AVEN: variants seen among roughly 807,000 people sequenced by gnomAD.
The protein encoded by AVEN is apoptosis and caspase activation inhibitor.
Under a neutral mutation model 38.1 loss-of-function variants are expected in AVEN, and 41 were observed. The observed-to-expected ratio is 1.08, with a 90% CI of 0.84 to 1.40. The LOEUF is 1.40. Ranked by LOEUF, AVEN falls within the 40% of genes most tolerant of loss-of-function variation. The pLI, the probability that AVEN is intolerant of heterozygous loss-of-function variation, is 0.00. For synonymous variants in AVEN, 206 were observed against 171.8 expected (o/e 1.20, Z -1.56); for missense variants, 605 against 438.8 (o/e 1.38, Z -3.38).
chr15:33,995,336 T>A (rs771785395), intron 2 of AVEN, among the ~76,000 whole-genome samples: 1 of 152,120 alleles, frequency 6.6e-6, no homozygotes, highest in Non-Finnish European at 1.5e-5. Flanking sequence ...TAAAAAATAA[T>A]ACAGTATAAC....
chr15:34,049,303 T>C (rs184991659), intron 5 of AVEN, among the ~76,000 whole-genome samples: 22 of 152,128 alleles, frequency 1.4e-4, no homozygotes, highest in African/African-American at 5.3e-4. Context: ...GAGCTATGAA[T>C]CATGAGAAAA....
At chr15:34,054,853 GA>G (rs145388735) in intron 5 of AVEN, among the ~76,000 whole-genome samples, 5,217 of 151,948 alleles carry the variant, frequency 0.034, 127 homozygotes, top group South Asian at 0.051. Context: ...TAAATGTTGG[GA>G]AAAAAAGGAA....
At chr15:33,962,950 A>G (rs1895253384) in intron 2 of AVEN, among the ~76,000 whole-genome samples, 1 of 146,270 alleles carries the variant, frequency 6.8e-6, no homozygotes, top group East Asian at 2.0e-4. Context: ...AAAAAAAAAA[A>G]AAAAAAATTC....
intron 1 of AVEN, among the ~76,000 whole-genome samples, chr15:34,074,064 T>A (rs1401599851): frequency 7.2e-6 from 1 of 139,554 alleles, no homozygotes; most frequent in African/African-American, 2.8e-5. Flanking sequence ...GTGTCACAAT[T>A]TCGGCTCACT....
intron 2 of AVEN, among the ~76,000 whole-genome samples, chr15:33,929,813 T>G (rs957055839): frequency 3.3e-5 from 5 of 152,152 alleles, no homozygotes; most frequent in Non-Finnish European, 2.9e-5. Flanking sequence ...AAATACACAT[T>G]GAAGCAGATC....
chr15:34,062,841 C>T (rs770776737), intron 5 of AVEN: 1 of 1,614,226 alleles, frequency 6.2e-7, no homozygotes, highest in African/African-American at 1.3e-5. Flanking sequence ...TGTGGTAAGC[C>T]TGATCACCAT....
At position 34,026,787 on chromosome 15, in the gene AVEN, C is replaced by T. The variant is rs181152554; in HGVS notation, c.267+11993G>A. Among the ~76,000 whole-genome samples the T allele has an allele frequency of 5.2e-3, 789 of 152,192 alleles. 4 individuals are homozygous for T. The highest frequency in any genetic ancestry group is 7.6e-3 in the Non-Finnish European group (514 of 68,022). On this transcript the variant is annotated intron_variant, in intron 1 of 5. Coordinates refer to ENST00000306730, the MANE Select transcript of AVEN (RefSeq NM_020371.3). ...ATTGACAGTTTCAGAAAAAGTAAGT[C>T]GCTCACATTAAATATTAAAAACTTC...
chr15:33,970,506 AT>A (rs1026214719), intron 2 of AVEN, among the ~76,000 whole-genome samples: 1 of 151,952 alleles, frequency 6.6e-6, no homozygotes, highest in African/African-American at 2.4e-5. Flanking sequence ...TAAGGGTGGT[AT>A]TGTTGTTGTT....
At chr15:34,014,459 T>TA (rs1310784642) in intron 1 of AVEN, among the ~76,000 whole-genome samples, 1 of 135,258 alleles carries the variant, frequency 7.4e-6, no homozygotes, top group African/African-American at 2.9e-5. Flanking sequence ...GGTCCCCTGA[T>TA]AAAAAATACA....
chr15:34,022,450 G>A (rs535780553), intron 1 of AVEN, among the ~76,000 whole-genome samples: 2 of 152,268 alleles, frequency 1.3e-5, no homozygotes, highest in East Asian at 3.9e-4. Context: ...CTACAGAAGG[G>A]AGAAAGCTTT....
In AVEN at chr15:34,039,039, G is replaced by A; in HGVS notation, c.8C>T (p.Ala3Val). The change falls in exon 1 of 6, where the codon GCG (alanine) becomes GTG (valine). Residue 3 changes from alanine (A) to valine (V), a missense_variant. Coordinates refer to ENST00000306730, the MANE Select transcript of AVEN (RefSeq NM_020371.3). Reference sequence around the variant, plus strand: ...ACGGCCTCCCCGAGCTCCTCGCTCCGCCTGCATCTGGCCGCCGCTGGCGGT... The same window carrying A: ...ACGGCCTCCCCGAGCTCCTCGCTCCACCTGCATCTGGCCGCCGCTGGCGGT... Reference protein sequence around the residue: MQAERGARGGRGR... With the variant: MQVERGARGGRGR... 3 of 1,110,542 alleles carry A rather than the reference G, an allele frequency of 2.7e-6. No homozygotes were observed. The highest frequency in any genetic ancestry group is 3.3e-6 in the Non-Finnish European group (3 of 912,940). The allele number at this position is 1,110,542 out of a possible 1,614,324, so 68.8% of individuals were successfully genotyped here.
chr15:34,035,941 G>A (rs1379327208), intron 1 of AVEN, among the ~76,000 whole-genome samples: 1 of 152,050 alleles, frequency 6.6e-6, no homozygotes, highest in African/African-American at 2.4e-5. Flanking sequence ...GACTACAGAT[G>A]CACCCCGCCA....
intron 2 of AVEN, chr15:33,990,755 T>TA (rs1361945620): frequency 6.6e-6 from 1 of 152,226 alleles, no homozygotes; most frequent in Non-Finnish European, 1.5e-5. Flanking sequence ...TCAAATCAAG[T>TA]ATCATTTTGA....
At chr15:33,995,857 C>T (rs947336020) in intron 2 of AVEN, among the ~76,000 whole-genome samples, 17 of 152,278 alleles carry the variant, frequency 1.1e-4, no homozygotes, top group African/African-American at 3.6e-4. Flanking sequence ...CCACGGAGGG[C>T]GAGCTGAAGC....
upstream of AVEN, among the ~76,000 whole-genome samples, chr15:34,043,794 T>C (rs561951266): frequency 6.6e-6 from 1 of 152,376 alleles, no homozygotes; most frequent in South Asian, 2.1e-4. Flanking sequence ...CTTTGCTTTC[T>C]ATTTCATGAA....
chr15:33,882,662 T>C lies in AVEN; in HGVS notation c.446-6667A>G, dbSNP rs895977207. Among the ~76,000 whole-genome samples, 20 of 151,934 alleles carry C rather than the reference T, an allele frequency of 1.3e-4. 1 individual carries two copies. Among genetic ancestry groups the C allele is most frequent in the Admixed American group, 5.2e-4 (8 of 15,256 alleles). ...TGGAAGGATCAATTGAGGCCAGGAA[T>C]TCAAGACAAGCCTGGGTAACAAAAT... On this transcript the variant is annotated intron_variant, in intron 2 of 5. Coordinates refer to ENST00000306730, the MANE Select transcript of AVEN (RefSeq NM_020371.3).
chr15:34,064,066 C>G (rs367796610), intron 4 of AVEN: 2 of 1,614,172 alleles, frequency 1.2e-6, no homozygotes, highest in South Asian at 1.1e-5. Flanking sequence ...ATTCTCCTGG[C>G]CTTCATCATC....
intron 2 of AVEN, among the ~76,000 whole-genome samples, chr15:33,987,438 C>CA (rs1179616046): frequency 6.6e-6 from 1 of 152,190 alleles, no homozygotes; most frequent in Non-Finnish European, 1.5e-5. Flanking sequence ...CTTGCCTCCA[C>CA]AGTGTTAGGA....
At chr15:33,975,311 T>A (rs935140355) in intron 2 of AVEN, among the ~76,000 whole-genome samples, 6 of 152,188 alleles carry the variant, frequency 3.9e-5, no homozygotes, top group African/African-American at 1.4e-4. Flanking sequence ...AACCTAAAAC[T>A]CCTGGTATAT....
Sources: allele counts gnomAD v4.1 joint callset (sites outside exome capture counted in the v4.1 genomes callset), GRCh38; gene constraint gnomAD v4.1.1; transcripts MANE v1.5; gene names NCBI Gene and HGNC (gene_info 2026-07-23, HGNC 2026-07-21).